AGMO: variants seen among roughly 807,000 people sequenced by gnomAD.
AGMO encodes the protein glyceryl-ether monooxygenase.
AGMO carries 75 observed loss-of-function variants against 60.2 expected under a neutral mutation model. The ratio of observed to expected loss-of-function variants is 1.25; its 90% confidence interval spans 1.03 to 1.51. The LOEUF is 1.51. Ranked by LOEUF, AGMO falls within the 40% of genes most tolerant of loss-of-function variation. AGMO has a pLI of 0.00. For missense variants in AGMO, 763 were observed against 525.5 expected, an observed-to-expected ratio of 1.45 and a Z score of -4.42; for synonymous variants, 261 against 177.1, an observed-to-expected ratio of 1.47 and a Z score of -3.76.
chr7:15,336,228 A>C (rs1781655941), intron 12 of AGMO, among the ~76,000 whole-genome samples: 1 of 152,126 alleles, frequency 6.6e-6, no homozygotes, highest in East Asian at 1.9e-4. Context: ...ATGGCAAAAG[A>C]AATTCATAAC....
At chr7:15,442,295 TTTC>T (rs1217992777) in intron 3 of AGMO, among the ~76,000 whole-genome samples, 1 of 152,228 alleles carries the variant, frequency 6.6e-6, no homozygotes, top group Non-Finnish European at 1.5e-5. Flanking sequence ...TAGTTTGTTC[TTTC>T]TTCTATGCCT....
At chr7:15,351,503 G>C (rs1450087237) in intron 12 of AGMO, among the ~76,000 whole-genome samples, 4 of 152,092 alleles carry the variant, frequency 2.6e-5, no homozygotes, top group Non-Finnish European at 5.9e-5. Flanking sequence ...AATTGCCTCT[G>C]ATTTTTAGCC....
chr7:15,407,817 G>C (rs1784745957), intron 5 of AGMO, among the ~76,000 whole-genome samples: 1 of 151,788 alleles, frequency 6.6e-6, no homozygotes, highest in Non-Finnish European at 1.5e-5. Context: ...GAGAGAGAGA[G>C]TTAAGCAACA....
intron 12 of AGMO, among the ~76,000 whole-genome samples, chr7:15,251,652 G>A (rs577114098): frequency 2.6e-5 from 4 of 152,270 alleles, no homozygotes; most frequent in South Asian, 4.1e-4. Flanking sequence ...CCCAGTCTAC[G>A]CAGAAGGATC....
At chr7:15,324,710 CTG>C (rs1233419017) in intron 12 of AGMO, among the ~76,000 whole-genome samples, 1 of 152,164 alleles carries the variant, frequency 6.6e-6, no homozygotes, top group Non-Finnish European at 1.5e-5. Context: ...CAGGAAGAAA[CTG>C]TTCCACCTCA....
At chr7:15,299,789 C>A (rs1784508525) in intron 12 of AGMO, among the ~76,000 whole-genome samples, 1 of 150,760 alleles carries the variant, frequency 6.6e-6, no homozygotes, top group Non-Finnish European at 1.5e-5. Flanking sequence ...TATTGAGCCA[C>A]TGCACTCCAG....
chr7:15,365,759 T>C (rs1405319519), intron 11 of AGMO, 140 bp from the exon 12 acceptor site: 1 of 616,116 alleles, frequency 1.6e-6, no homozygotes, highest in Admixed American at 3.3e-5. Flanking sequence ...CCTGAAGCAA[T>C]TTGAAAACAG....
intron 5 of AGMO, among the ~76,000 whole-genome samples, chr7:15,394,421 T>G (rs1266088906): frequency 6.6e-6 from 1 of 152,134 alleles, no homozygotes; most frequent in Non-Finnish European, 1.5e-5. Flanking sequence ...CTAGACGACT[T>G]TCAGTTCAGC....
the AGMO span, among the ~76,000 whole-genome samples, chr7:15,144,997 T>A: frequency 2.6e-5 from 4 of 152,254 alleles, no homozygotes; most frequent in Admixed American, 2.6e-4. Context: ...GCTTTGCTAA[T>A]TTTTTTATTT....
chr7:15,427,644 A>C (rs1781104942), intron 4 of AGMO, among the ~76,000 whole-genome samples: 1 of 152,170 alleles, frequency 6.6e-6, no homozygotes, highest in Non-Finnish European at 1.5e-5. Context: ...ATACTGTAAT[A>C]TTTTATATGA....
At chr7:15,341,969 G>A (rs1781863312) in intron 12 of AGMO, among the ~76,000 whole-genome samples, 1 of 151,742 alleles carries the variant, frequency 6.6e-6, no homozygotes, top group Non-Finnish European at 1.5e-5. Context: ...TGGCACGTAG[G>A]GATAATGGGA....
Position 15,399,229 on chromosome 7 carries a change from A to G in AGMO, c.610-5050T>C, listed in dbSNP as rs532485593. 2.6e-5 allele frequency among the ~76,000 whole-genome samples: 4 copies of G among 152,320 alleles called. No homozygotes were observed. The South Asian group carries it at 8.3e-4, about 32-fold the overall frequency. ...GGGCCATGAAGGGGTTCAGAAAGTCAGGAAGACCCTGAAGTTTTAGATGAA... is the reference window on the plus strand; with the variant it reads ...GGGCCATGAAGGGGTTCAGAAAGTCGGGAAGACCCTGAAGTTTTAGATGAA... On this transcript the variant is annotated intron_variant, in intron 5 of 12. Coordinates refer to ENST00000342526, the MANE Select transcript of AGMO (RefSeq NM_001004320.2).
intron 12 of AGMO, among the ~76,000 whole-genome samples, chr7:15,342,270 G>C (rs1466827283): frequency 6.6e-6 from 1 of 150,580 alleles, no homozygotes; most frequent in Non-Finnish European, 1.5e-5. Flanking sequence ...AGAAAGCCAT[G>C]GTCAGCAAGG....
intron 12 of AGMO, among the ~76,000 whole-genome samples, chr7:15,281,648 C>T (rs187148713): frequency 6.6e-6 from 1 of 152,252 alleles, no homozygotes; most frequent in Non-Finnish European, 1.5e-5. Flanking sequence ...CTGAGAGCTC[C>T]TCCATGCACT....
intron 12 of AGMO, among the ~76,000 whole-genome samples, chr7:15,322,537 T>TAA (rs1563086213): frequency 6.5e-5 from 3 of 46,452 alleles, no homozygotes; most frequent in Admixed American, 3.9e-4. Context: ...AATATATAAA[T>TAA]ATATATATAA....
At chr7:15,409,614 T>A (rs1028538046) in intron 5 of AGMO, among the ~76,000 whole-genome samples, 1 of 151,962 alleles carries the variant, frequency 6.6e-6, no homozygotes, top group Non-Finnish European at 1.5e-5. Flanking sequence ...GCCCCATTAC[T>A]GAATTCATTC....
intron 12 of AGMO, among the ~76,000 whole-genome samples, chr7:15,261,500 A>C (rs1783269971): frequency 6.6e-6 from 1 of 152,086 alleles, no homozygotes; most frequent in East Asian, 1.9e-4. Flanking sequence ...TGAGATGGAA[A>C]TGATAATAAA....
intron 3 of AGMO, among the ~76,000 whole-genome samples, chr7:15,450,853 T>C (rs963970297): frequency 1.3e-5 from 2 of 152,182 alleles, no homozygotes; most frequent in Middle Eastern, 3.4e-3. Context: ...TTGAACAACA[T>C]AGAAATCCAA....
At chr7:15,243,009 A>C (rs1462736008) in intron 12 of AGMO, among the ~76,000 whole-genome samples, 1 of 151,976 alleles carries the variant, frequency 6.6e-6, no homozygotes, top group African/African-American at 2.4e-5. Context: ...CAGTGGGGGG[A>C]GGTGAAAGGA....
Sources: gnomAD v4.1 joint callset for allele counts (sites outside exome capture counted in the v4.1 genomes callset) on GRCh38, gnomAD v4.1.1 for gene constraint, MANE v1.5 for transcripts, NCBI Gene and HGNC (gene_info 2026-07-23, HGNC 2026-07-21) for gene names.